The following SPMIP4 variants were observed in gnomAD, a reference collection of about 807,000 sequenced individuals.
The protein encoded by SPMIP4 is sperm-associated microtubule inner protein 4.
chr7:25,175,187 G>A, the SPMIP4 span, among the ~76,000 whole-genome samples: 1 of 152,190 alleles, frequency 6.6e-6, no homozygotes, highest in Non-Finnish European at 1.5e-5. Flanking sequence ...AGGTGATTTT[G>A]AAGTACCCTG....
At chr7:25,131,018 T>G in the SPMIP4 span, among the ~76,000 whole-genome samples, 1 of 152,100 alleles carries the variant, frequency 6.6e-6, no homozygotes, top group African/African-American at 2.4e-5. This position sits in a 1 kb window ranked among gnomAD's most constrained non-coding sequence, Gnocchi z 4.2. Context: ...AGGAGGTGAG[T>G]GGGGGGTGAG....
chr7:25,131,551 C>A, the SPMIP4 span, among the ~76,000 whole-genome samples: 15 of 152,148 alleles, frequency 9.9e-5, no homozygotes, highest in African/African-American at 3.4e-4. This position sits in a 1 kb window ranked among gnomAD's most constrained non-coding sequence, Gnocchi z 4.2. Flanking sequence ...GAAAACACTT[C>A]GTATTATTGT....
the SPMIP4 span, among the ~76,000 whole-genome samples, chr7:25,134,348 A>C: frequency 2.7e-5 from 4 of 150,196 alleles, no homozygotes; most frequent in East Asian, 5.8e-4. Context: ...AAAAAAAAAA[A>C]AAAACCAAAA....
At chr7:25,158,854 C>CA in the SPMIP4 span, among the ~76,000 whole-genome samples, 3,968 of 131,656 alleles carry the variant, frequency 0.03, 152 homozygotes, top group African/African-American at 0.1. Flanking sequence ...AAGTCTGTCT[C>CA]AAAAAAAAAA....
chr7:25,178,825 G>C, the SPMIP4 span, among the ~76,000 whole-genome samples: 7 of 152,216 alleles, frequency 4.6e-5, no homozygotes, highest in Admixed American at 1.3e-4. Context: ...GATCATTTGA[G>C]GTCAGGAGTT....
the SPMIP4 span, among the ~76,000 whole-genome samples, chr7:25,153,692 T>C: frequency 6.6e-6 from 1 of 152,224 alleles, no homozygotes; most frequent in Admixed American, 6.5e-5. Flanking sequence ...ACTTTGACAA[T>C]TTACGTAACA....
At chr7:25,147,268 T>G in the SPMIP4 span, among the ~76,000 whole-genome samples, 21 of 152,072 alleles carry the variant, frequency 1.4e-4, 1 homozygote, top group Admixed American at 7.9e-4. Flanking sequence ...CACTTCAGCC[T>G]GGGTGACAGA....
the SPMIP4 span, among the ~76,000 whole-genome samples, chr7:25,156,468 G>GT: frequency 1.3e-5 from 2 of 152,078 alleles, no homozygotes; most frequent in African/African-American, 4.8e-5. Context: ...TCACTTTGTC[G>GT]TTTTTTAAAA....
At chr7:25,137,736 A>G in the SPMIP4 span, among the ~76,000 whole-genome samples, 3 of 152,304 alleles carry the variant, frequency 2.0e-5, no homozygotes, top group South Asian at 6.2e-4. Flanking sequence ...GTTAGATTGG[A>G]TTAAATTCAC....
the SPMIP4 span, among the ~76,000 whole-genome samples, chr7:25,127,942 T>C: frequency 6.6e-6 from 1 of 152,258 alleles, no homozygotes; most frequent in African/African-American, 2.4e-5. Context: ...TCAGTAAAAC[T>C]ATAGCTTTTG....
chr7:25,134,845 C>T, the SPMIP4 span: 2 of 985,382 alleles, frequency 2.0e-6, no homozygotes, highest in Non-Finnish European at 2.4e-6. Flanking sequence ...AACCCAGTGA[C>T]CAAGGCATGC....
At chr7:25,169,143 A>T in the SPMIP4 span, among the ~76,000 whole-genome samples, 1 of 152,020 alleles carries the variant, frequency 6.6e-6, no homozygotes, top group South Asian at 2.1e-4. Flanking sequence ...TAATCCCAGC[A>T]CTTTGGGAGG....
At chr7:25,151,751 G>C in the SPMIP4 span, 1 of 825,228 alleles carries the variant, frequency 1.2e-6, no homozygotes, top group Non-Finnish European at 2.0e-6. Flanking sequence ...ACAATAAATA[G>C]AAATGAGATA....
At chr7:25,165,375 T>A in the SPMIP4 span, among the ~76,000 whole-genome samples, 1 of 152,232 alleles carries the variant, frequency 6.6e-6, no homozygotes, top group Non-Finnish European at 1.5e-5. Context: ...TGGAATTGGA[T>A]ATAGCAAAGT....
chr7:25,155,326 G>A, the SPMIP4 span: 1 of 610,690 alleles, frequency 1.6e-6, no homozygotes, highest in Non-Finnish European at 2.7e-6. Flanking sequence ...GGATAGGACA[G>A]TGAGTCAATG....
At chr7:25,175,668 C>T in the SPMIP4 span, among the ~76,000 whole-genome samples, 3 of 152,236 alleles carry the variant, frequency 2.0e-5, no homozygotes, top group South Asian at 2.1e-4. Flanking sequence ...CTAGGGCTCA[C>T]GTTCACCCTT....
the SPMIP4 span, among the ~76,000 whole-genome samples, chr7:25,164,198 G>A: frequency 6.6e-6 from 1 of 152,142 alleles, no homozygotes; most frequent in Admixed American, 6.6e-5. Flanking sequence ...GGTTACACTT[G>A]AGAAAATTTG....
the SPMIP4 span, among the ~76,000 whole-genome samples, chr7:25,143,050 G>C: frequency 1.3e-5 from 2 of 152,066 alleles, no homozygotes; most frequent in Non-Finnish European, 2.9e-5. Flanking sequence ...TTTTGCCTTA[G>C]CTGGGACTTT....
the SPMIP4 span, among the ~76,000 whole-genome samples, chr7:25,129,861 T>A: frequency 1.3e-5 from 2 of 151,956 alleles, no homozygotes; most frequent in Non-Finnish European, 2.9e-5. Flanking sequence ...AAGAGTTTAA[T>A]TATCAGAGGG....
Sources: allele counts gnomAD v4.1 joint callset (sites outside exome capture counted in the v4.1 genomes callset), GRCh38; gene constraint gnomAD v4.1.1; non-coding constraint Gnocchi (gnomAD v3.1); transcripts MANE v1.5; gene names NCBI Gene and HGNC (gene_info 2026-07-23, HGNC 2026-07-21).